The following ZNF148 variants were observed in gnomAD, a reference collection of about 807,000 sequenced individuals.
ZNF148 encodes the protein zinc finger protein 148.
In ZNF148, 7 loss-of-function variants were observed where a neutral mutation model predicts 67.7. The observed-to-expected ratio is 0.10, with a 90% confidence interval of 0.06 to 0.19. The LOEUF is 0.19. ZNF148 is among the 10% of genes least tolerant of loss of function. ZNF148 has a pLI of 1.00. For synonymous variants in ZNF148, 333 were observed against 330.7 expected, an observed-to-expected ratio of 1.01 and a Z score of -0.08; for missense variants, 583 against 947.1, an observed-to-expected ratio of 0.62 and a Z score of 5.05.
At chr3:125,374,482 C>A (rs937675910) in intron 1 of ZNF148, among the ~76,000 whole-genome samples, 2 of 152,012 alleles carry the variant, frequency 1.3e-5, no homozygotes, top group African/African-American at 4.8e-5. Flanking sequence ...AATGAAATAC[C>A]TAACGTATCT....
chr3:125,307,751 C>A (rs1174295244), intron 4 of ZNF148, among the ~76,000 whole-genome samples: 1 of 151,924 alleles, frequency 6.6e-6, no homozygotes, highest in African/African-American at 2.4e-5. Context: ...CTCAGGTGAT[C>A]CTCCCAATTC....
At chr3:125,366,402 ACT>A (rs1185951978) in intron 1 of ZNF148, among the ~76,000 whole-genome samples, 9 of 151,900 alleles carry the variant, frequency 5.9e-5, no homozygotes, top group Non-Finnish European at 1.2e-4. Flanking sequence ...ACCCCAACTG[ACT>A]CTCCTACCTT....
At chr3:125,235,084 C>A (rs930349708) in intron 7 of ZNF148, among the ~76,000 whole-genome samples, 5 of 152,068 alleles carry the variant, frequency 3.3e-5, no homozygotes, top group African/African-American at 1.2e-4. Context: ...CTGATAAAAC[C>A]ACAGTCTAAG....
intron 7 of ZNF148, among the ~76,000 whole-genome samples, chr3:125,270,656 T>C (rs1377417329): frequency 1.3e-5 from 2 of 152,178 alleles, no homozygotes; most frequent in East Asian, 1.9e-4. Flanking sequence ...TTTGAAAATA[T>C]TTTAAAAAGG....
intron 1 of ZNF148, chr3:125,344,139 G>A (rs1216985661): frequency 7.9e-6 from 2 of 253,650 alleles, no homozygotes; most frequent in Non-Finnish European, 1.6e-5. Context: ...ACTTTAACTG[G>A]CCATCTTCCT....
chr3:125,325,967 C>G (rs1409956350), intron 2 of ZNF148, among the ~76,000 whole-genome samples: 5 of 152,056 alleles, frequency 3.3e-5, no homozygotes, highest in Admixed American at 2.0e-4. Flanking sequence ...TGGCTAACTT[C>G]CAGTTAGAAA....
chr3:125,269,024 C>T (rs1311784324), intron 7 of ZNF148, among the ~76,000 whole-genome samples: 1 of 151,898 alleles, frequency 6.6e-6, no homozygotes, highest in East Asian at 1.9e-4. Context: ...AAAAACTGGT[C>T]AAAGGACATG....
chr3:125,352,153 C>T (rs1942176573), intron 1 of ZNF148, among the ~76,000 whole-genome samples: 1 of 150,352 alleles, frequency 6.7e-6, no homozygotes, highest in Non-Finnish European at 1.5e-5. Flanking sequence ...GTGGAAACAA[C>T]CCAACAACTG....
chr3:125,255,120 G>A (rs1937012495), intron 7 of ZNF148, among the ~76,000 whole-genome samples: 1 of 149,850 alleles, frequency 6.7e-6, no homozygotes, highest in Admixed American at 6.7e-5. Flanking sequence ...TGCTATTGGT[G>A]TTACACATTT....
At chr3:125,287,891 A>G (rs1560142939) in intron 5 of ZNF148, among the ~76,000 whole-genome samples, 1 of 152,198 alleles carries the variant, frequency 6.6e-6, no homozygotes. Context: ...GAAAAAGAAA[A>G]GTTCACTTTT....
At chr3:125,348,564 T>C (rs1332644732) in intron 1 of ZNF148, among the ~76,000 whole-genome samples, 1 of 150,316 alleles carries the variant, frequency 6.7e-6, no homozygotes, top group Non-Finnish European at 1.5e-5. Context: ...CAAAGACTTG[T>C]ATGCACTGAA....
At chr3:125,308,383 T>C (rs79088836) in intron 4 of ZNF148, among the ~76,000 whole-genome samples, 2 of 152,048 alleles carry the variant, frequency 1.3e-5, no homozygotes, top group Non-Finnish European at 2.9e-5. Context: ...TACAGAACAA[T>C]GCTGAAATAA....
At chr3:125,352,196 T>A (rs1454005522) in intron 1 of ZNF148, among the ~76,000 whole-genome samples, 1 of 148,800 alleles carries the variant, frequency 6.7e-6, no homozygotes, top group East Asian at 1.9e-4. Flanking sequence ...GGTAAACCCA[T>A]ATAATAGATT....
intron 7 of ZNF148, among the ~76,000 whole-genome samples, chr3:125,242,293 A>C (rs1035107442): frequency 7.2e-5 from 11 of 152,206 alleles, no homozygotes; most frequent in African/African-American, 2.2e-4. Context: ...TCAGACACAT[A>C]AGTTTAAACT....
In ZNF148 at chr3:125,231,394, C is replaced by A. The variant is rs1321809434; in HGVS notation, c.*947G>T. On this transcript the variant is annotated 3_prime_UTR_variant, in exon 9 of 9. Coordinates refer to ENST00000360647, the MANE Select transcript of ZNF148 (RefSeq NM_021964.3). Reference sequence around the variant, plus strand: ...TAATTTTTTTTTTACTTTGAGAAATCAAAAATACCAAATAGATTCTAAGTG... The same window carrying A: ...TAATTTTTTTTTTACTTTGAGAAATAAAAAATACCAAATAGATTCTAAGTG... The A allele has an allele frequency of 6.6e-6, 1 of 152,056 alleles. No homozygotes were observed. Among genetic ancestry groups the A allele is most frequent in the Non-Finnish European group, 1.5e-5 (1 of 67,834 alleles). The allele number at this position is 152,056 out of a possible 1,614,324, so 9.4% of individuals were successfully genotyped here. A position where few individuals can be genotyped will look rare whatever the true frequency, so the allele number is the denominator to read the frequency against.
intron 1 of ZNF148, among the ~76,000 whole-genome samples, chr3:125,374,630 C>A (rs190453525): frequency 1.3e-5 from 2 of 152,232 alleles, no homozygotes; most frequent in African/African-American, 4.8e-5. Context: ...ATTCCCTTTT[C>A]TCCAACCCCT....
chr3:125,278,524 A>G (rs572933208), intron 6 of ZNF148, among the ~76,000 whole-genome samples: 1 of 152,168 alleles, frequency 6.6e-6, no homozygotes, highest in South Asian at 2.1e-4. Flanking sequence ...ATTTATTCCA[A>G]AGATTTTTTC....
chr3:125,242,386 C>T (rs773518721), intron 7 of ZNF148, among the ~76,000 whole-genome samples: 12 of 152,106 alleles, frequency 7.9e-5, no homozygotes, highest in Non-Finnish European at 5.9e-5. Context: ...TCTTGGAGGC[C>T]GAGGCAGGTG....
At chr3:125,368,197 T>C (rs1325452813) in intron 1 of ZNF148, among the ~76,000 whole-genome samples, 2 of 152,228 alleles carry the variant, frequency 1.3e-5, no homozygotes, top group Non-Finnish European at 2.9e-5. Flanking sequence ...CTCAAGGTAA[T>C]AAAATTATTA....
Sources: allele counts gnomAD v4.1 joint callset (sites outside exome capture counted in the v4.1 genomes callset), GRCh38; gene constraint gnomAD v4.1.1; transcripts MANE v1.5; gene names NCBI Gene and HGNC (gene_info 2026-07-23, HGNC 2026-07-21).